The following TNRC18 variants were observed in gnomAD, a reference collection of about 807,000 sequenced individuals.
The protein encoded by TNRC18 is trinucleotide repeat-containing gene 18 protein.
In TNRC18, 69 loss-of-function variants were observed where a neutral mutation model predicts 226.7. The observed-to-expected ratio is 0.30, with a 90% CI of 0.25 to 0.37. The LOEUF (loss-of-function observed/expected upper bound fraction) is 0.37. Among genes scored for constraint, TNRC18 ranks in the 10% least tolerant of loss-of-function variants. The probability of loss-of-function intolerance (pLI) is 1.00; values close to 1 mark genes in which losing one functional copy is unlikely to be tolerated. For synonymous variants in TNRC18, 2,449 were observed against 1,927.6 expected (o/e 1.27, Z -7.09); for missense variants, 4,754 against 4,256.6 (o/e 1.12, Z -3.25).
intron 5 of TNRC18, among the ~76,000 whole-genome samples, chr7:5,379,503 C>T (rs1302252255): frequency 6.6e-6 from 1 of 150,934 alleles, no homozygotes; most frequent in African/African-American, 2.5e-5. Flanking sequence ...CTACCGGGCT[C>T]ACCCATCCCT....
At chr7:5,335,239 C>A (rs10230987) in intron 18 of TNRC18, among the ~76,000 whole-genome samples, 1 of 145,146 alleles carries the variant, frequency 6.9e-6, no homozygotes, top group African/African-American at 2.6e-5. Context: ...GAGGTGGAGG[C>A]TGCAGTGAGC....
In TNRC18 at chr7:5,374,342, C is replaced by T; in HGVS notation, c.2942G>A (p.Gly981Asp). Reference sequence around the variant, plus strand: ...GGCCTTGCCGTAGGTGCCCGCGGGGCCGGCGGCCAGGCCAGGGGGCTTCCG... The same window carrying T: ...GGCCTTGCCGTAGGTGCCCGCGGGGTCGGCGGCCAGGCCAGGGGGCTTCCG... ...LPRKPPGLAA[G>D]PAGTYGKAVS... Residue 981 changes from glycine to aspartate, a missense_variant, in exon 10 of 30, where the codon GGC (glycine) becomes GAC (aspartate). Gly to Asp is a moderately conservative substitution (Grantham distance 94, BLOSUM62 -1). Coordinates refer to ENST00000430969, the MANE Select transcript of TNRC18 (RefSeq NM_001080495.3). 7.0e-7 allele frequency: 1 copy of T among 1,422,040 alleles called. No individual in the cohort carries two copies. The highest frequency in any genetic ancestry group is 9.1e-7 in the Non-Finnish European group (1 of 1,096,514). The allele number at this position is 1,422,040 out of a possible 1,614,324, so 88.1% of individuals were successfully genotyped here.
chr7:5,413,202 G>A (rs1014618538), intron 2 of TNRC18, among the ~76,000 whole-genome samples: 2 of 152,156 alleles, frequency 1.3e-5, no homozygotes, highest in African/African-American at 4.8e-5. Flanking sequence ...TACATGAGAG[G>A]GTGGGAGGAG....
At chr7:5,374,512 G>A in intron 9 of TNRC18, 28 bp from the exon 10 acceptor site, 2 of 1,532,300 alleles carry the variant, frequency 1.3e-6, no homozygotes, top group East Asian at 2.5e-5. Flanking sequence ...GGCAGGGTCA[G>A]CACGGCACGA....
rs1473326534 is a variant in TNRC18, at chr7:5,313,323, C to T, written c.7568G>A (p.Gly2523Glu). The change falls in exon 27 of 30, where the codon GGG becomes GAG. Residue 2523 changes from glycine to glutamate, a missense_variant. By Grantham distance (98) the Gly-to-Glu change is moderately conservative. Transcript: ENST00000430969. ...CGGCCCGGGCTCCTGGGCGAGGTCCCCGTCGGTGGCCTTGGGCCAGGGTGC... is the reference window on the plus strand; with the variant it reads ...CGGCCCGGGCTCCTGGGCGAGGTCCTCGTCGGTGGCCTTGGGCCAGGGTGC... ...PKAPWPKATD[G>E]DLAQEPGPGL... 2 of 1,550,848 alleles carry T rather than the reference C, an allele frequency of 1.3e-6. No homozygotes were observed. Among genetic ancestry groups the T allele is most frequent in the Admixed American group, 3.9e-5 (2 of 51,226 alleles).
At chr7:5,412,355 C>T (rs1781898862) in intron 2 of TNRC18, among the ~76,000 whole-genome samples, 1 of 151,660 alleles carries the variant, frequency 6.6e-6, no homozygotes, top group Non-Finnish European at 1.5e-5. Flanking sequence ...GTGGGTGGAT[C>T]ACCTGAAGTC....
intron 24 of TNRC18, 62 bp downstream of exon 24, chr7:5,320,256 G>A: frequency 1.5e-6 from 2 of 1,369,318 alleles, no homozygotes; most frequent in African/African-American, 1.4e-5. Context: ...GGTTTTAGTA[G>A]CCAAACAAGT....
intron 18 of TNRC18, 34 bp downstream of exon 18, chr7:5,345,528 C>CCCCCCCCCCCCCCCCCCCA: frequency 3.7e-6 from 2 of 534,162 alleles, no homozygotes; most frequent in Non-Finnish European, 5.4e-6. Context: ...CCCCTCCCAC[C>CCCCCCCCCCCCCCCCCCCA]CACCCCCACC....
chr7:5,353,484 G>A (rs533433799), intron 16 of TNRC18, among the ~76,000 whole-genome samples: 213 of 150,602 alleles, frequency 1.4e-3, no homozygotes, highest in Non-Finnish European at 2.5e-3. Context: ...ACTTGAACCC[G>A]GGAGGTGGAG....
intron 2 of TNRC18, among the ~76,000 whole-genome samples, chr7:5,403,106 T>C (rs151314220): frequency 2.0e-5 from 3 of 151,302 alleles, no homozygotes; most frequent in Middle Eastern, 3.4e-3. Flanking sequence ...TAGACATAGG[T>C]TGCACATTTT....
At chr7:5,419,007 C>T (rs1382591520) in intron 2 of TNRC18, among the ~76,000 whole-genome samples, 1 of 152,226 alleles carries the variant, frequency 6.6e-6, no homozygotes, top group Non-Finnish European at 1.5e-5. Flanking sequence ...AAGGGGGCGG[C>T]AGCTGTCCTC....
At chr7:5,405,905 A>G (rs1202243334) in intron 2 of TNRC18, among the ~76,000 whole-genome samples, 1 of 152,220 alleles carries the variant, frequency 6.6e-6, no homozygotes, top group Non-Finnish European at 1.5e-5. Flanking sequence ...TCTATTTTAA[A>G]AAATAAAAAT....
chr7:5,398,635 A>C (rs11763573), intron 2 of TNRC18, among the ~76,000 whole-genome samples: 23,646 of 148,274 alleles, frequency 0.16, 2,464 homozygotes, highest in Middle Eastern at 0.25. Flanking sequence ...CTTTTTTTTA[A>C]AGACAGGGTC....
chr7:5,356,021 G>A (rs1421070939), intron 16 of TNRC18, among the ~76,000 whole-genome samples: 1 of 152,034 alleles, frequency 6.6e-6, no homozygotes, highest in East Asian at 1.9e-4. Flanking sequence ...AAAATTAGCT[G>A]GGTGTGGTGG....
In TNRC18 at chr7:5,332,968, T is replaced by A; in HGVS notation, c.5801A>T (p.Lys1934Met). ...RSPAGLLRPK[K>M]GLGEPGPSLA... ...GGAGGGTCCCGGCTCCCCCAGCCCC[T>A]TCTTGGGCCGCAGCAGCCCCGCAGG... The change falls in exon 19 of 30, where the codon AAG becomes ATG. Residue 1934 changes from lysine to methionine, a missense_variant. Coordinates refer to ENST00000430969, the MANE Select transcript of TNRC18 (RefSeq NM_001080495.3). 1.3e-6 allele frequency: 2 copies of A among 1,563,616 alleles called. No individual in the cohort carries two copies. Among genetic ancestry groups the A allele is most frequent in the Non-Finnish European group, 1.7e-6 (2 of 1,162,548 alleles).
rs200717023 is a variant in TNRC18, at chr7:5,333,774, G to A, written c.5720-725C>T. Reference sequence around the variant, plus strand: ...CACCAGCTCCCCCGACCTCTCCTTGGAACGGCGCTAAGTCCTTCAGAAGGA... The same window carrying A: ...CACCAGCTCCCCCGACCTCTCCTTGAAACGGCGCTAAGTCCTTCAGAAGGA... On this transcript the variant is annotated intron_variant, in intron 18 of 29. Transcript: ENST00000430969. 5.3e-5 allele frequency among the ~76,000 whole-genome samples: 8 copies of A among 152,250 alleles called. No homozygotes were observed. In the East Asian group the frequency reaches 1.3e-3, roughly 26 times the overall value.
intron 24 of TNRC18, chr7:5,320,041 T>C: frequency 5.3e-6 from 2 of 380,676 alleles, no homozygotes; most frequent in East Asian, 5.2e-5. Context: ...AATCCTCCAA[T>C]GATAAGAGTT....
intron 4 of TNRC18, chr7:5,389,763 C>T (rs978916525): frequency 6.5e-6 from 1 of 154,940 alleles, no homozygotes; most frequent in African/African-American, 2.4e-5. Context: ...AGTGTTTTTT[C>T]TTGGAAATTA....
chr7:5,357,535 C>T (rs1206208937), intron 15 of TNRC18, among the ~76,000 whole-genome samples: 2 of 152,206 alleles, frequency 1.3e-5, no homozygotes, highest in Non-Finnish European at 2.9e-5. Flanking sequence ...CCTCAGGCTC[C>T]CGACTAGCTG....
Sources: allele counts gnomAD v4.1 joint callset (sites outside exome capture counted in the v4.1 genomes callset), GRCh38; gene constraint gnomAD v4.1.1; transcripts MANE v1.5; gene names NCBI Gene and HGNC (gene_info 2026-07-23, HGNC 2026-07-21).